Variants in KSR1 observed in about 807,000 individuals in gnomAD.
KSR1 encodes the protein kinase suppressor of ras.
A neutral mutation model predicts 92.9 loss-of-function variants in KSR1; 35 were observed. The ratio of observed to expected loss-of-function variants is 0.38; its 90% CI spans 0.29 to 0.50. The LOEUF is 0.50. Among genes scored for constraint, KSR1 ranks in the 20% least tolerant of loss-of-function variants. The pLI, the probability that KSR1 is intolerant of heterozygous loss-of-function variation, is 0.94. For missense variants in KSR1, 972 were observed against 1,158.5 expected, an observed-to-expected ratio of 0.84 and a Z score of 2.34; for synonymous variants, 467 against 472.6, an observed-to-expected ratio of 0.99 and a Z score of 0.15.
rs756426752 is a variant in KSR1 at position 27,582,744 on chromosome 17, C to T, written c.619C>T (p.Pro207Ser). The stretch of plus-strand genomic sequence containing the variant: ...GGACACCCTCTCAGCAGCCAGCCTG[C>T]CCTGGCCCCCAGGGAGCTCCCAGCT... ...STDTLSAASL[P>S]WPPGSSQLGR... The change falls in exon 4 of 21, where the codon CCC becomes TCC. Residue 207 changes from proline to serine, a missense_variant. Coordinates refer to ENST00000644974, the MANE Select transcript of KSR1 (RefSeq NM_001394583.1). 1 of 1,613,896 alleles carries T rather than the reference C, an allele frequency of 6.2e-7. No individual in the cohort carries two copies. The highest frequency in any genetic ancestry group is 8.5e-7 in the Non-Finnish European group (1 of 1,179,860).
At chr17:27,492,221 CTG>C (rs914780220) in intron 1 of KSR1, among the ~76,000 whole-genome samples, 2 of 152,162 alleles carry the variant, frequency 1.3e-5, no homozygotes, top group African/African-American at 4.8e-5. Flanking sequence ...ATTTTAAACA[CTG>C]TTCATTTAGA....
chr17:27,573,537 G>A (rs1047842156), intron 2 of KSR1, among the ~76,000 whole-genome samples: 5 of 152,210 alleles, frequency 3.3e-5, no homozygotes, highest in South Asian at 2.1e-4. Flanking sequence ...CCAACTGTTC[G>A]AATCTTGTTC....
At chr17:27,469,334 A>G (rs1192373141) in intron 1 of KSR1, among the ~76,000 whole-genome samples, 2 of 152,122 alleles carry the variant, frequency 1.3e-5, no homozygotes, top group Non-Finnish European at 2.9e-5. Flanking sequence ...TTCTCTTGCA[A>G]GCATTTCTCA....
Position 27,605,799 on chromosome 17 carries a change from G to T in KSR1, c.1980G>T (p.Leu660=). The T allele has an allele frequency of 6.2e-7, 1 of 1,612,552 alleles. No homozygotes were observed. The change falls in exon 14 of 21, where the codon CTG becomes CTT. Residue 660 remains leucine, a synonymous_variant. Coordinates refer to ENST00000644974, the MANE Select transcript of KSR1 (RefSeq NM_001394583.1). ...FMGACMNPPH[L]AIITSFCKGR... ...GGGCCTGCATGAACCCGCCCCACCTGGCCATTATCACCAGGTAACCAAGCC... is the reference window on the plus strand; with the variant it reads ...GGGCCTGCATGAACCCGCCCCACCTTGCCATTATCACCAGGTAACCAAGCC...
chr17:27,574,392 C>T (rs2072426211), intron 2 of KSR1, among the ~76,000 whole-genome samples: 1 of 152,164 alleles, frequency 6.6e-6, no homozygotes, highest in Non-Finnish European at 1.5e-5. Flanking sequence ...GGAAGGCAAC[C>T]AGGGTTTTGG....
At chr17:27,580,747 C>G (rs1228397689) in intron 3 of KSR1, among the ~76,000 whole-genome samples, 1 of 152,056 alleles carries the variant, frequency 6.6e-6, no homozygotes, top group Non-Finnish European at 1.5e-5. Flanking sequence ...GTGCGTCAGT[C>G]CCTTCTCACA....
chr17:27,618,604 C>G (rs1037264360), intron 19 of KSR1, among the ~76,000 whole-genome samples: 4 of 152,210 alleles, frequency 2.6e-5, no homozygotes, highest in African/African-American at 9.6e-5. Context: ...TCAGCTCTGC[C>G]GTCGCAACAC....
chr17:27,509,737 G>A (rs570199546), intron 1 of KSR1, among the ~76,000 whole-genome samples: 1 of 152,324 alleles, frequency 6.6e-6, no homozygotes, highest in East Asian at 1.9e-4. Context: ...CTACTTAGGA[G>A]GCTGAGGTTG....
rs1394073707 is a variant in KSR1, at chr17:27,550,506, G to C, written c.232-62G>C. ...GCCTGAGCTCCTCTGTAGTGTGCTT[G>C]GGCCTGCCATATGGTTGGGCTGCAG... On this transcript the variant is annotated intron_variant, in intron 1 of 20. Transcript: ENST00000644974. 4 of 753,932 alleles carry C rather than the reference G, an allele frequency of 5.3e-6. No homozygotes were observed. In the African/African-American group the frequency reaches 6.8e-5, roughly 13 times the overall value. The allele number at this position is 753,932 out of a possible 1,614,324, so 46.7% of individuals were successfully genotyped here.
intron 18 of KSR1, among the ~76,000 whole-genome samples, chr17:27,616,784 G>A (rs2074068927): frequency 6.6e-6 from 1 of 152,178 alleles, no homozygotes; most frequent in African/African-American, 2.4e-5. Flanking sequence ...CAGCAAGAAG[G>A]GCTTTGCTCT....
chr17:27,477,976 C>G (rs2068395745), intron 1 of KSR1, among the ~76,000 whole-genome samples: 1 of 152,106 alleles, frequency 6.6e-6, no homozygotes, highest in Admixed American at 6.5e-5. Flanking sequence ...CTTGGCCTCC[C>G]AAAGTGCTGG....
intron 1 of KSR1, among the ~76,000 whole-genome samples, chr17:27,510,639 T>C (rs2069564944): frequency 6.6e-6 from 1 of 152,224 alleles, no homozygotes; most frequent in African/African-American, 2.4e-5. Flanking sequence ...AATAGGGCAT[T>C]TGAGAGGATT....
chr17:27,514,897 A>G (rs1364381845), intron 1 of KSR1, among the ~76,000 whole-genome samples: 2 of 152,164 alleles, frequency 1.3e-5, no homozygotes, highest in Non-Finnish European at 2.9e-5. Flanking sequence ...CCTCTTATCC[A>G]TTTTAATGAG....
At chr17:27,505,726 A>G (rs2069355473) in intron 1 of KSR1, among the ~76,000 whole-genome samples, 1 of 152,266 alleles carries the variant, frequency 6.6e-6, no homozygotes, top group Non-Finnish European at 1.5e-5. Flanking sequence ...GTGCTGGCAT[A>G]TCATACACAT....
intron 1 of KSR1, among the ~76,000 whole-genome samples, chr17:27,518,119 A>G (rs561254317): frequency 1.1e-4 from 16 of 152,238 alleles, no homozygotes; most frequent in African/African-American, 2.9e-4. Flanking sequence ...GCTGTTAGAG[A>G]TGCTCTCATT....
At chr17:27,585,478 A>G (rs1027688139) in intron 4 of KSR1, among the ~76,000 whole-genome samples, 179 bp from the exon 5 acceptor site, 1 of 152,116 alleles carries the variant, frequency 6.6e-6, no homozygotes, top group African/African-American at 2.4e-5. Flanking sequence ...TCCATTGAGG[A>G]AATGTCCCCA....
At chr17:27,601,786 G>A (rs2073567076) in intron 11 of KSR1, 2 of 792,650 alleles carry the variant, frequency 2.5e-6, no homozygotes, top group Non-Finnish European at 4.1e-6. Context: ...CTTGCACAAT[G>A]ATGGGAGGAT....
At position 27,609,280 on chromosome 17, in the gene KSR1, A is replaced by C; in HGVS notation, c.2176A>C (p.Ile726Leu). 1.2e-6 allele frequency: 2 copies of C among 1,614,016 alleles called. No individual in the cohort carries two copies. The highest frequency in any genetic ancestry group is 1.7e-6 in the Non-Finnish European group (2 of 1,179,896). ...NVFYDNGKVV[I>L]TDFGLFGISG... ...CTTCTATGACAACGGCAAGGTGGTCATCACAGACTTCGGGCTGTTTGGGAT... is the reference window on the plus strand; with the variant it reads ...CTTCTATGACAACGGCAAGGTGGTCCTCACAGACTTCGGGCTGTTTGGGAT... The change falls in exon 16 of 21, where the codon ATC becomes CTC. Residue 726 changes from isoleucine to leucine, a missense_variant. Coordinates refer to ENST00000644974, the MANE Select transcript of KSR1 (RefSeq NM_001394583.1).
chr17:27,500,098 A>C (rs1289648769), intron 1 of KSR1, among the ~76,000 whole-genome samples: 1 of 152,180 alleles, frequency 6.6e-6, no homozygotes, highest in East Asian at 1.9e-4. Flanking sequence ...AAGGCACATT[A>C]CTGGAGACCC....
Sources: allele counts gnomAD v4.1 joint callset (sites outside exome capture counted in the v4.1 genomes callset), GRCh38; gene constraint gnomAD v4.1.1; transcripts MANE v1.5; gene names NCBI Gene and HGNC (gene_info 2026-07-23, HGNC 2026-07-21).